Variants in CIP2A observed in about 807,000 individuals in gnomAD.
The protein encoded by CIP2A is protein CIP2A.
A neutral mutation model predicts 110.9 loss-of-function variants in CIP2A; 103 were observed. The ratio of observed to expected loss-of-function variants is 0.93; its 90% CI spans 0.79 to 1.09. The LOEUF (loss-of-function observed/expected upper bound fraction) is 1.09. Ranked by LOEUF, CIP2A falls within the 50% of genes least tolerant of loss-of-function variation. CIP2A has a pLI of 0.00. For missense variants in CIP2A, 1,088 were observed against 1,038.4 expected (o/e 1.05, Z -0.66); for synonymous variants, 381 against 361.6 (o/e 1.05, Z -0.61).
chr3:108,579,740 G>A, intron 5 of CIP2A, 52 bp from the exon 6 acceptor site: 1 of 1,255,988 alleles, frequency 8.0e-7, no homozygotes. Context: ...TTTATGTTTT[G>A]GTTTAAAAAG....
chr3:108,559,881 T>C lies in CIP2A; in HGVS notation c.1903-14A>G. The stretch of plus-strand genomic sequence containing the variant: ...GCTTTCTTTGGACTACAAGAAAACA[T>C]ATCATTAATTTTCATTTTAGGAATA... On this transcript the variant is annotated splice_polypyrimidine_tract_variant and intron_variant, in intron 15 of 20. Coordinates refer to ENST00000295746, the MANE Select transcript of CIP2A (RefSeq NM_020890.3). The C allele has an allele frequency of 6.3e-7, 1 of 1,596,898 alleles. No homozygotes were observed.
At position 108,557,112 on chromosome 3, in the gene CIP2A, T is replaced by C. The variant is rs868249219; in HGVS notation, c.2210+106A>G. ...TGCTAATTACTTACCTCATGTGTTA[T>C]CAGAATATATGAAATGCTTACAAAA... On this transcript the variant is annotated intron_variant, in intron 17 of 20. Transcript: ENST00000295746. 4.1e-5 allele frequency: 26 copies of C among 637,202 alleles called. No individual in the cohort carries two copies. In the East Asian group the frequency reaches 6.5e-4, roughly 16 times the overall value. The allele number at this position is 637,202 out of a possible 1,614,324, so 39.5% of individuals were successfully genotyped here.
intron 12 of CIP2A, 148 bp from the exon 13 acceptor site, chr3:108,563,392 A>G: frequency 1.6e-6 from 1 of 607,820 alleles, no homozygotes; most frequent in Non-Finnish European, 3.0e-6. Flanking sequence ...TAGTCTATAT[A>G]GTTTGAATAT....
Position 108,557,314 on chromosome 3 carries a change from C to G in CIP2A, c.2114G>C (p.Ser705Thr). The part of the protein sequence containing the change: ...AQQVESERAQ[S>T]DIEHLFQHNR... ...ATGTTGAAAGAGATGCTCAATATCACTCTGCGCTCTTTCTGATTCAACTTG... is the reference window on the plus strand; with the variant it reads ...ATGTTGAAAGAGATGCTCAATATCAGTCTGCGCTCTTTCTGATTCAACTTG... The change falls in exon 17 of 21, where the codon AGT becomes ACT. Residue 705 changes from serine to threonine, a missense_variant. Ser to Thr is a moderately conservative substitution (Grantham distance 58). Transcript: ENST00000295746. 1 of 1,612,638 alleles carries G rather than the reference C, an allele frequency of 6.2e-7. No homozygotes were observed. The highest frequency in any genetic ancestry group is 8.5e-7 in the Non-Finnish European group (1 of 1,179,024).
intron 12 of CIP2A, among the ~76,000 whole-genome samples, chr3:108,564,978 T>A (rs1248245671): frequency 6.6e-6 from 1 of 151,724 alleles, no homozygotes; most frequent in African/African-American, 2.4e-5. Context: ...TGTCTCCCTA[T>A]CCCCTTAATA....
chr3:108,569,319 G>T, intron 9 of CIP2A, 70 bp downstream of exon 9: 2 of 1,116,366 alleles, frequency 1.8e-6, no homozygotes, highest in Non-Finnish European at 2.7e-6. Context: ...TACAAAGAAT[G>T]TTTTTGAAGA....
In CIP2A at chr3:108,589,322, T is replaced by A; in HGVS notation, c.54A>T (p.Lys18Asn). Reference sequence around the variant, plus strand: ...TGGCGTTCGCCTCTGACTTCACGGCTTTGTACTGACTGACAGTCAGGAGCA... The same window carrying A: ...TGGCGTTCGCCTCTGACTTCACGGCATTGTACTGACTGACAGTCAGGAGCA... Reference protein sequence around the residue: ...KSLLLTVSQYKAVKSEANATQ... With the variant: ...KSLLLTVSQYNAVKSEANATQ... Residue 18 changes from lysine (K) to asparagine (N), a missense_variant, in exon 1 of 21, where the codon AAA becomes AAT. Coordinates refer to ENST00000295746, the MANE Select transcript of CIP2A (RefSeq NM_020890.3). 1.9e-6 allele frequency: 3 copies of A among 1,614,128 alleles called. No homozygotes were observed. Among genetic ancestry groups the A allele is most frequent in the Non-Finnish European group, 2.5e-6 (3 of 1,179,992 alleles).
intron 12 of CIP2A, among the ~76,000 whole-genome samples, chr3:108,565,136 A>G (rs1938139347): frequency 6.6e-6 from 1 of 151,902 alleles, no homozygotes; most frequent in African/African-American, 2.4e-5. Context: ...CATTCTCTAC[A>G]TTAGTGTCAT....
At chr3:108,589,062 G>A (rs1939209149) in intron 1 of CIP2A, among the ~76,000 whole-genome samples, 1 of 152,114 alleles carries the variant, frequency 6.6e-6, no homozygotes, top group Non-Finnish European at 1.5e-5. Context: ...CCCCACTCCC[G>A]CTTTTCCTAG....
intron 10 of CIP2A, 86 bp from the exon 11 acceptor site, chr3:108,566,724 T>C (rs1327606958): frequency 9.3e-6 from 7 of 753,560 alleles, no homozygotes; most frequent in African/African-American, 9.1e-5. Context: ...ACAAATTATA[T>C]CATCACTGTC....
At chr3:108,588,502 CAATAT>C (rs1463323984) in intron 1 of CIP2A, among the ~76,000 whole-genome samples, 2 of 148,632 alleles carry the variant, frequency 1.3e-5, no homozygotes, top group East Asian at 4.0e-4. Context: ...TAATATAATA[CAATAT>C]ATTTTAAAAT....
In CIP2A at chr3:108,569,400, CCT is replaced by C; in HGVS notation, c.1100_1101del (p.Lys367ArgfsTer4). On this transcript the variant is annotated frameshift_variant, in exon 9 of 21. Coordinates refer to ENST00000295746, the MANE Select transcript of CIP2A (RefSeq NM_020890.3). LOFTEE classifies it high-confidence loss of function. ...NCSVLALELF[K>X]EIFEDVIDAA... ...AGTCATCCTATTACCTCAAATATTT[CCT>C]TGAACAACTCCAATGCTAAAACAGA... The C allele has an allele frequency of 6.2e-7, 1 of 1,611,356 alleles. No individual in the cohort carries two copies. Among genetic ancestry groups the C allele is most frequent in the Non-Finnish European group, 8.5e-7 (1 of 1,178,264 alleles).
rs777477371 is a variant in CIP2A, at chr3:108,565,374, C to T, written c.1496G>A (p.Ser499Asn). 8.8e-6 allele frequency: 14 copies of T among 1,585,264 alleles called. No homozygotes were observed. The highest frequency in any genetic ancestry group is 2.7e-5 in the African/African-American group (2 of 73,984). Residue 499 changes from serine (S) to asparagine (N), a missense_variant, in exon 12 of 21, where the codon AGC (serine) becomes AAC (asparagine). Physicochemically the swap from Ser to Asn is conservative, Grantham distance 46. Coordinates refer to ENST00000295746, the MANE Select transcript of CIP2A (RefSeq NM_020890.3). ...LKPLVPGMEV[S>N]FYKILQDPRL... ...ACTCACCTGAAGTATTTTGTAGAAG[C>T]TTACTTCCATACCAGGAACCAATGG...
chr3:108,576,654 T>G (rs566691173), intron 7 of CIP2A, among the ~76,000 whole-genome samples: 1 of 152,184 alleles, frequency 6.6e-6, no homozygotes, highest in Non-Finnish European at 1.5e-5. Context: ...ATTGCTCTAT[T>G]TTTTTAAGAT....
chr3:108,552,194 T>C, intron 20 of CIP2A, 40 bp downstream of exon 20: 2 of 1,516,592 alleles, frequency 1.3e-6, no homozygotes, highest in East Asian at 2.4e-5. Flanking sequence ...CAACAGACTT[T>C]TTTATTTTAC....
chr3:108,584,970 A>T, intron 2 of CIP2A, 95 bp downstream of exon 2: 1 of 1,178,068 alleles, frequency 8.5e-7, no homozygotes, highest in Non-Finnish European at 1.2e-6. Flanking sequence ...TTTGAAGGTG[A>T]ATCATTCTTT....
At chr3:108,576,849 T>C (rs1938671257) in intron 7 of CIP2A, among the ~76,000 whole-genome samples, 1 of 152,188 alleles carries the variant, frequency 6.6e-6, no homozygotes, top group Non-Finnish European at 1.5e-5. Flanking sequence ...TTATATTCTA[T>C]GTGACTGATG....
Position 108,579,566 on chromosome 3 carries a change from CT to C in CIP2A, c.671del (p.Lys224SerfsTer14). ...SLTLNEEVGE[K>X]LFHARNIHQT... Reference sequence around the variant, plus strand: ...AATAAATTTGAAAAATTGTATTTACCTTTTCCCCCACCTCTTCATTTAATGT... The same window carrying C: ...AATAAATTTGAAAAATTGTATTTACCTTTCCCCCACCTCTTCATTTAATGT... On this transcript the variant is annotated frameshift_variant and splice_region_variant, in exon 6 of 21. Coordinates refer to ENST00000295746, the MANE Select transcript of CIP2A (RefSeq NM_020890.3). LOFTEE classifies it high-confidence loss of function. The C allele has an allele frequency of 3.8e-6, 6 of 1,582,058 alleles. No individual in the cohort carries two copies. The highest frequency in any genetic ancestry group is 2.7e-5 in the African/African-American group (2 of 73,234).
At chr3:108,556,368 G>T (rs1937801796) in intron 17 of CIP2A, among the ~76,000 whole-genome samples, 1 of 151,980 alleles carries the variant, frequency 6.6e-6, no homozygotes, top group African/African-American at 2.4e-5. Context: ...ATTGTTCCTG[G>T]TCTTCCCTGT....
Sources: allele counts gnomAD v4.1 joint callset (sites outside exome capture counted in the v4.1 genomes callset), GRCh38; gene constraint gnomAD v4.1.1; transcripts MANE v1.5; gene names NCBI Gene and HGNC (gene_info 2026-07-23, HGNC 2026-07-21).